The following MTREX variants were observed in gnomAD, a reference collection of about 807,000 sequenced individuals.
MTREX encodes the protein exosome RNA helicase MTR4.
MTREX carries 76 observed loss-of-function variants against 135.4 expected under a neutral mutation model. The observed-to-expected ratio is 0.56, with a 90% CI of 0.47 to 0.68. The LOEUF (loss-of-function observed/expected upper bound fraction) is 0.68. Among genes scored for constraint, MTREX ranks in the 30% least tolerant of loss-of-function variants. MTREX has a pLI of 0.00. For synonymous variants in MTREX, 404 were observed against 401.6 expected, an observed-to-expected ratio of 1.01 and a Z score of -0.07; for missense variants, 920 against 1,262.1, an observed-to-expected ratio of 0.73 and a Z score of 4.11.
intron 5 of MTREX, among the ~76,000 whole-genome samples, chr5:55,338,137 T>A (rs1409026263): frequency 2.0e-5 from 3 of 152,182 alleles, no homozygotes; most frequent in African/African-American, 7.2e-5. Flanking sequence ...ATTTTATATA[T>A]ACCTTTACAT....
At chr5:55,421,916 CCT>C (rs1554035665) in intron 25 of MTREX, among the ~76,000 whole-genome samples, 1 of 152,072 alleles carries the variant, frequency 6.6e-6, no homozygotes, top group Non-Finnish European at 1.5e-5. Context: ...CAATTCCTAC[CCT>C]CTCTCTTGAC....
At chr5:55,346,073 T>G (rs76506235) in intron 10 of MTREX, among the ~76,000 whole-genome samples, 2 of 152,208 alleles carry the variant, frequency 1.3e-5, no homozygotes, top group Non-Finnish European at 2.9e-5. Context: ...TTGGATGGAC[T>G]TTTGGGTTTT....
At chr5:55,373,252 A>T (rs1330290283) in intron 16 of MTREX, among the ~76,000 whole-genome samples, 1 of 151,492 alleles carries the variant, frequency 6.6e-6, no homozygotes, top group African/African-American at 2.4e-5. Flanking sequence ...AAGAAATGTT[A>T]TATAGAGAGA....
In MTREX at chr5:55,343,449, T is replaced by C. The variant is rs1749682364; in HGVS notation, c.900T>C (p.His300=). 1 of 1,611,428 alleles carries C rather than the reference T, an allele frequency of 6.2e-7. No individual in the cohort carries two copies. Among genetic ancestry groups the C allele is most frequent in the African/African-American group, 1.3e-5 (1 of 74,766 alleles). The change falls in exon 8 of 27, where the codon CAT becomes CAC. Residue 300 remains histidine (H), a synonymous_variant. Coordinates refer to ENST00000230640, the MANE Select transcript of MTREX (RefSeq NM_015360.5). ...RQFAEWICHL[H]KQPCHVIYTD... is the part of the protein sequence containing the mutation. Reference sequence around the variant, plus strand: ...TTGCTGAATGGATTTGCCATTTACATAAACAGGTATTTTTTCCTCCTTTTT... The same window carrying C: ...TTGCTGAATGGATTTGCCATTTACACAAACAGGTATTTTTTCCTCCTTTTT...
At chr5:55,419,550 A>G (rs930112422) in intron 25 of MTREX, among the ~76,000 whole-genome samples, 4 of 152,220 alleles carry the variant, frequency 2.6e-5, no homozygotes, top group African/African-American at 9.6e-5. Flanking sequence ...CCATTAAACT[A>G]AATTTGAATG....
intron 11 of MTREX, among the ~76,000 whole-genome samples, chr5:55,347,505 A>G (rs1749757399): frequency 6.6e-6 from 1 of 152,234 alleles, no homozygotes; most frequent in South Asian, 2.1e-4. Flanking sequence ...TCTATATAGA[A>G]AATACCATGC....
chr5:55,412,733 G>A (rs1242456177), intron 23 of MTREX, among the ~76,000 whole-genome samples: 1 of 152,156 alleles, frequency 6.6e-6, no homozygotes, highest in African/African-American at 2.4e-5. Context: ...CCTCACATCA[G>A]GACTGGTGCC....
intron 16 of MTREX, among the ~76,000 whole-genome samples, chr5:55,374,170 T>C (rs1750254579): frequency 6.6e-6 from 1 of 151,490 alleles, no homozygotes; most frequent in South Asian, 2.1e-4. Context: ...AGGCAGGGAA[T>C]TGGATGAACC....
intron 14 of MTREX, chr5:55,357,027 C>CAGCT (rs1203691774): frequency 6.5e-6 from 1 of 154,388 alleles, no homozygotes; most frequent in Non-Finnish European, 1.5e-5. Context: ...TGTGGTTGAA[C>CAGCT]AGCTCTATGC....
intron 16 of MTREX, among the ~76,000 whole-genome samples, chr5:55,375,201 A>G (rs1750275664): frequency 6.6e-6 from 1 of 152,220 alleles, no homozygotes; most frequent in East Asian, 1.9e-4. Flanking sequence ...GTCATTGATA[A>G]CATCTTATCA....
chr5:55,417,133 A>G (rs538293787), intron 25 of MTREX, among the ~76,000 whole-genome samples: 2 of 152,266 alleles, frequency 1.3e-5, no homozygotes, highest in South Asian at 4.1e-4. Context: ...TGTATCTTAC[A>G]TATTTTTTCT....
chr5:55,336,046 T>G (rs372419905), intron 5 of MTREX, among the ~76,000 whole-genome samples: 1 of 152,206 alleles, frequency 6.6e-6, no homozygotes. Flanking sequence ...ATATTTGGAT[T>G]GCTAATAGCT....
chr5:55,351,203 G>C (rs1159977945), intron 13 of MTREX, among the ~76,000 whole-genome samples, 174 bp downstream of exon 13: 1 of 152,022 alleles, frequency 6.6e-6, no homozygotes, highest in Non-Finnish European at 1.5e-5. Flanking sequence ...ATCTTGAAGT[G>C]TAGGTAAAAA....
intron 19 of MTREX, among the ~76,000 whole-genome samples, chr5:55,394,377 T>C (rs1750615615): frequency 6.6e-6 from 1 of 152,204 alleles, no homozygotes; most frequent in South Asian, 2.1e-4. Context: ...ATGTTGTTTC[T>C]AAAATGAATT....
At position 55,366,762 on chromosome 5, in the gene MTREX, C is replaced by T; in HGVS notation, c.1697C>T (p.Thr566Ile). 1 of 1,608,142 alleles carries T rather than the reference C, an allele frequency of 6.2e-7. No homozygotes were observed. Among genetic ancestry groups the T allele is most frequent in the South Asian group, 1.1e-5 (1 of 89,318 alleles). The change falls in exon 16 of 27, where the codon ACC (threonine) becomes ATC (isoleucine). Residue 566 changes from threonine to isoleucine, a missense_variant. Physicochemically the swap from Thr to Ile is moderately conservative, Grantham distance 89. This residue lies in a region of MTREX where 467 missense variants were observed against 589.7 expected (regional missense o/e 0.79). Transcript: ENST00000230640. ...ADPLNSAFHLTYNMVLNLLRV... is the reference protein window; with the variant it reads ...ADPLNSAFHLIYNMVLNLLRV... ...CCTCTAAATAGTGCTTTCCATTTGA[C>T]CTACAACATGGTTTTGAACTTACTA...
intron 25 of MTREX, 81 bp downstream of exon 25, chr5:55,416,213 A>G: frequency 1.2e-6 from 1 of 863,352 alleles, no homozygotes; most frequent in Non-Finnish European, 1.7e-6. Flanking sequence ...AACAAGTATA[A>G]TATGTATTTT....
intron 13 of MTREX, among the ~76,000 whole-genome samples, chr5:55,352,504 A>C (rs1255428986): frequency 6.6e-6 from 1 of 152,206 alleles, no homozygotes; most frequent in Non-Finnish European, 1.5e-5. Context: ...ATCTACTAGT[A>C]TACATACAAA....
chr5:55,385,300 T>TG (rs1750459759), intron 18 of MTREX, among the ~76,000 whole-genome samples: 1 of 152,104 alleles, frequency 6.6e-6, no homozygotes, highest in Non-Finnish European at 1.5e-5. Context: ...GAAGGGCTGT[T>TG]GGGGCCCTTT....
At chr5:55,385,904 G>A in intron 18 of MTREX, among the ~76,000 whole-genome samples, 1 of 152,164 alleles carries the variant, frequency 6.6e-6, no homozygotes, top group East Asian at 1.9e-4. Flanking sequence ...GTTGATGAGA[G>A]TTCTTTTAGG....
Sources: gnomAD v4.1 joint callset for allele counts (sites outside exome capture counted in the v4.1 genomes callset) on GRCh38, gnomAD v4.1.1 for gene constraint, gnomAD v4.1.1 regional missense constraint, MANE v1.5 for transcripts, NCBI Gene and HGNC (gene_info 2026-07-23, HGNC 2026-07-21) for gene names.